The following DSCAM variants were observed in gnomAD, a reference collection of about 807,000 sequenced individuals.
DSCAM encodes the protein cell adhesion molecule DSCAM.
Under a neutral mutation model 217.7 loss-of-function variants are expected in DSCAM, and 47 were observed. The ratio of observed to expected loss-of-function variants is 0.22; its 90% CI spans 0.17 to 0.28. The LOEUF is 0.28. Ranked by LOEUF, DSCAM falls within the 10% of genes least tolerant of loss-of-function variation. The pLI, the probability that DSCAM is intolerant of heterozygous loss-of-function variation, is 1.00. For missense variants in DSCAM, 2,080 were observed against 2,618.3 expected (o/e 0.79, Z 4.49); for synonymous variants, 1,056 against 1,015.3 (o/e 1.04, Z -0.76).
chr21:40,447,044 T>C (rs1341963765), intron 3 of DSCAM, among the ~76,000 whole-genome samples: 1 of 152,142 alleles, frequency 6.6e-6, no homozygotes, highest in Non-Finnish European at 1.5e-5. Context: ...GTGCTGTGCT[T>C]ATTCTGTCAT....
At chr21:40,787,066 CT>C (rs951366686) in intron 1 of DSCAM, among the ~76,000 whole-genome samples, 1 of 152,258 alleles carries the variant, frequency 6.6e-6, no homozygotes, top group Non-Finnish European at 1.5e-5. Flanking sequence ...ATGGACACAG[CT>C]TTTTTCTATT....
At chr21:40,587,541 A>C (rs1467855141) in intron 3 of DSCAM, among the ~76,000 whole-genome samples, 1 of 152,232 alleles carries the variant, frequency 6.6e-6, no homozygotes, top group Non-Finnish European at 1.5e-5. Context: ...TCATTTGATA[A>C]ATCCTTCTCA....
At position 40,246,184 on chromosome 21, in the gene DSCAM, G is replaced by A. The variant is rs140492801; in HGVS notation, c.2356+29913C>T. On this transcript the variant is annotated intron_variant, in intron 11 of 32. Transcript: ENST00000400454. ...GTTCAGAGAGCCTGAGTGAACATGG[G>A]CAAGAATCCCATACTCACTTCCTAT... Among the ~76,000 whole-genome samples the A allele has an allele frequency of 2.2e-4, 33 of 151,370 alleles. 1 individual carries two copies. In the East Asian group the frequency reaches 6.4e-3, roughly 30 times the overall value.
chr21:40,059,871 GCTGTTCAGTAT>G (rs2089087782), intron 28 of DSCAM, among the ~76,000 whole-genome samples: 1 of 152,146 alleles, frequency 6.6e-6, no homozygotes, highest in African/African-American at 2.4e-5. Context: ...ACCAGGGGTA[GCTGTTCAGTAT>G]CTTTCTCTCT....
chr21:40,287,921 G>A (rs2073847439), intron 10 of DSCAM, among the ~76,000 whole-genome samples: 1 of 152,144 alleles, frequency 6.6e-6, no homozygotes, highest in Non-Finnish European at 1.5e-5. Context: ...ATGGAATTGG[G>A]GAAACTACAA....
chr21:40,788,760 T>C (rs1313003337), intron 1 of DSCAM, among the ~76,000 whole-genome samples: 1 of 152,212 alleles, frequency 6.6e-6, no homozygotes, highest in Non-Finnish European at 1.5e-5. Flanking sequence ...TAAAAGCATA[T>C]GGAAGGGATT....
intron 6 of DSCAM, among the ~76,000 whole-genome samples, chr21:40,345,482 C>T (rs2074547812): frequency 6.6e-6 from 1 of 152,192 alleles, no homozygotes; most frequent in East Asian, 1.9e-4. Context: ...TGCTATTTTA[C>T]CATTCCCAGA....
chr21:40,153,970 G>C (rs1407123526), intron 16 of DSCAM, among the ~76,000 whole-genome samples: 1 of 152,120 alleles, frequency 6.6e-6, no homozygotes, highest in Non-Finnish European at 1.5e-5. Context: ...AGACCTTCCT[G>C]GTCTTGGGAG....
At chr21:40,547,067 G>T (rs1281101447) in intron 3 of DSCAM, among the ~76,000 whole-genome samples, 1 of 152,128 alleles carries the variant, frequency 6.6e-6, no homozygotes, top group Non-Finnish European at 1.5e-5. Flanking sequence ...AGAGCCAAGA[G>T]CAGCCCAACC....
intron 9 of DSCAM, among the ~76,000 whole-genome samples, chr21:40,298,237 C>T (rs543479330): frequency 2.1e-4 from 32 of 151,992 alleles, no homozygotes; most frequent in East Asian, 5.8e-4. Flanking sequence ...CCTGCCATCA[C>T]GCCCAGGTAA....
intron 32 of DSCAM, among the ~76,000 whole-genome samples, chr21:40,029,913 A>AAACTC (rs2088484627): frequency 6.6e-6 from 1 of 152,144 alleles, no homozygotes; most frequent in East Asian, 1.9e-4. Context: ...CACATCACTA[A>AAACTC]AACTCAGTTT....
rs568220596 is a variant in DSCAM, at chr21:40,825,711, A to AT, written c.43+20907dup. ...GAAATTACATGGGTAGTCAACAAAG[A>AT]TTTTTTTTTTAAGTAAGGGGTTTTA... On this transcript the variant is annotated intron_variant, in intron 1 of 32. Coordinates refer to ENST00000400454, the MANE Select transcript of DSCAM (RefSeq NM_001389.5). Among the ~76,000 whole-genome samples the AT allele has an allele frequency of 4.2e-4, 63 of 150,978 alleles. 1 individual carries two copies. The East Asian group carries it at 7.9e-3, about 19-fold the overall frequency.
At chr21:40,443,898 A>C (rs1297171544) in intron 3 of DSCAM, among the ~76,000 whole-genome samples, 2 of 152,226 alleles carry the variant, frequency 1.3e-5, no homozygotes, top group Non-Finnish European at 2.9e-5. Flanking sequence ...GTTGACAAAC[A>C]GGCATTTATG....
chr21:40,457,117 C>A (rs961838980), intron 3 of DSCAM, among the ~76,000 whole-genome samples: 4 of 151,982 alleles, frequency 2.6e-5, no homozygotes, highest in Non-Finnish European at 4.4e-5. Context: ...ACTGGAAAAA[C>A]CAATAAAAAT....
intron 8 of DSCAM, among the ~76,000 whole-genome samples, chr21:40,320,181 T>C (rs2074244603): frequency 6.6e-6 from 1 of 152,212 alleles, no homozygotes; most frequent in Admixed American, 6.5e-5. Flanking sequence ...CCTGCACATG[T>C]ACCTTGGAAC....
In DSCAM at chr21:40,673,288, G is replaced by GC. The variant is rs34220086; in HGVS notation, c.508+19521dup. The stretch of plus-strand genomic sequence containing the variant: ...TTACGGTAGTAAAGATAAAAATGAT[G>GC]CCCCCCCCAAAATACAAAAAATGGA... On this transcript the variant is annotated intron_variant, in intron 3 of 32. Coordinates refer to ENST00000400454, the MANE Select transcript of DSCAM (RefSeq NM_001389.5). Among the ~76,000 whole-genome samples, 652 of 152,042 alleles carry GC rather than the reference G, an allele frequency of 4.3e-3. 6 individuals carry two copies. Among genetic ancestry groups the GC allele is most frequent in the African/African-American group, 0.015 (616 of 41,402 alleles).
At chr21:40,216,995 C>T (rs2091249560) in intron 11 of DSCAM, among the ~76,000 whole-genome samples, 1 of 152,176 alleles carries the variant, frequency 6.6e-6, no homozygotes, top group Non-Finnish European at 1.5e-5. Flanking sequence ...GATTCCATTC[C>T]CAGGCCAGAA....
chr21:40,249,914 G>C (rs1278022607), intron 11 of DSCAM, among the ~76,000 whole-genome samples: 1 of 152,164 alleles, frequency 6.6e-6, no homozygotes, highest in East Asian at 1.9e-4. Flanking sequence ...CTGAGATCAA[G>C]GCCTCCTGGC....
At chr21:40,317,277 G>T (rs2074207600) in intron 8 of DSCAM, among the ~76,000 whole-genome samples, 1 of 152,158 alleles carries the variant, frequency 6.6e-6, no homozygotes, top group Non-Finnish European at 1.5e-5. Flanking sequence ...CTAAATTTTA[G>T]ATTACTGACC....
Sources: gnomAD v4.1 joint callset for allele counts (sites outside exome capture counted in the v4.1 genomes callset) on GRCh38, gnomAD v4.1.1 for gene constraint, MANE v1.5 for transcripts, NCBI Gene and HGNC (gene_info 2026-07-23, HGNC 2026-07-21) for gene names.